CSRP2: variants seen among roughly 807,000 people sequenced by gnomAD.
The protein encoded by CSRP2 is cysteine and glycine-rich protein 2.
A neutral mutation model predicts 24.6 loss-of-function variants in CSRP2; 18 were observed. The observed-to-expected ratio is 0.73, with a 90% confidence interval of 0.51 to 1.09. The LOEUF is 1.09. Ranked by LOEUF, CSRP2 falls within the 50% of genes least tolerant of loss-of-function variation. The pLI, the probability that CSRP2 is intolerant of heterozygous loss-of-function variation, is 0.00. For missense variants in CSRP2, 215 were observed against 239.4 expected, an observed-to-expected ratio of 0.90 and a Z score of 0.67; for synonymous variants, 87 against 84.3, an observed-to-expected ratio of 1.03 and a Z score of -0.18.
intron 3 of CSRP2, 153 bp from the exon 4 acceptor site, chr12:76,860,566 G>A: frequency 1.2e-6 from 1 of 827,366 alleles, no homozygotes; most frequent in South Asian, 2.2e-5. Context: ...GAATAAAGAA[G>A]AAGTGACTCA....
intron 2 of CSRP2, among the ~76,000 whole-genome samples, chr12:76,865,303 G>A (rs2137827100): frequency 6.6e-6 from 1 of 152,226 alleles, no homozygotes. Context: ...TTTTAAAAAA[G>A]TAACTTCTAA....
chr12:76,877,448 C>A (rs12321353), intron 1 of CSRP2, among the ~76,000 whole-genome samples: 15,968 of 152,156 alleles, frequency 0.1, 934 homozygotes, highest in Non-Finnish European at 0.14. Context: ...CAAACAAATA[C>A]CTATTGTGTG....
chr12:76,863,197 C>T lies in CSRP2; in HGVS notation c.260G>A (p.Arg87Lys). The change falls in exon 3 of 6, where the codon AGG becomes AAG. Residue 87 changes from arginine to lysine, a missense_variant. Arg to Lys is a conservative substitution (Grantham distance 26). Transcript: ENST00000311083. ...TCACCTCTCTGGTTTGATGCCCAGC[C>T]TCTCGCCACGGTCCATGTTAAGCGT... ...AGTLNMDRGE[R>K]LGIKPESVQP... The T allele has an allele frequency of 1.9e-6, 3 of 1,613,610 alleles. No individual in the cohort carries two copies. Among genetic ancestry groups the T allele is most frequent in the Non-Finnish European group, 2.5e-6 (3 of 1,179,624 alleles).
chr12:76,875,561 G>T (rs769297045), intron 1 of CSRP2, among the ~76,000 whole-genome samples: 1 of 152,120 alleles, frequency 6.6e-6, no homozygotes, highest in Non-Finnish European at 1.5e-5. Flanking sequence ...ATATTTGCAC[G>T]ATTTTTTCAT....
rs902092094 is a variant in CSRP2 at position 76,858,808 on chromosome 12, C to T, written c.*144G>A. 1.5e-5 allele frequency: 10 copies of T among 659,438 alleles called. No individual in the cohort carries two copies. The highest frequency in any genetic ancestry group is 1.1e-4 in the Admixed American group (4 of 36,108). The allele number at this position is 659,438 out of a possible 1,614,324, so 40.8% of individuals were successfully genotyped here. The stretch of plus-strand genomic sequence containing the variant: ...GATACCATACAGTGCTCTCTTCCTA[C>T]GAGTTAGCCAGCCTATCCAAGTACA... On this transcript the variant is annotated 3_prime_UTR_variant, in exon 6 of 6. Coordinates refer to ENST00000311083, the MANE Select transcript of CSRP2 (RefSeq NM_001321.3).
At position 76,868,712 on chromosome 12, in the gene CSRP2, G is replaced by A. The variant is rs564435810; in HGVS notation, c.-1-2451C>T. 1.4e-4 allele frequency among the ~76,000 whole-genome samples: 22 copies of A among 152,260 alleles called. No individual in the cohort carries two copies. In the South Asian group the frequency reaches 2.5e-3, roughly 17 times the overall value. ...TGTGATCCCAGCACTTTGGGAGGCC[G>A]AGGCAGGCGGATCATGAGGTCAGGA... is the stretch of plus-strand genomic sequence containing the variant. On this transcript the variant is annotated intron_variant, in intron 1 of 5. Coordinates refer to ENST00000311083, the MANE Select transcript of CSRP2 (RefSeq NM_001321.3).
chr12:76,865,905 CAAAAT>C, intron 2 of CSRP2: 2 of 510,310 alleles, frequency 3.9e-6, no homozygotes, highest in South Asian at 2.3e-5. Context: ...GATGTGTTAA[CAAAAT>C]AAAGGCCAAA....
chr12:76,872,285 T>C (rs1307642147), intron 1 of CSRP2, among the ~76,000 whole-genome samples: 1 of 152,224 alleles, frequency 6.6e-6, no homozygotes, highest in East Asian at 1.9e-4. Flanking sequence ...GCGGAAAAAC[T>C]GATATAGTCT....
intron 3 of CSRP2, chr12:76,861,347 T>G (rs1022850840): frequency 5.8e-4 from 50 of 86,770 alleles, no homozygotes; most frequent in South Asian, 2.3e-3. Flanking sequence ...CAAGACCCTG[T>G]CTATATATAT....
chr12:76,877,969 C>A (rs940340069), intron 1 of CSRP2, among the ~76,000 whole-genome samples: 4 of 118,098 alleles, frequency 3.4e-5, no homozygotes, highest in Middle Eastern at 8.1e-3. Flanking sequence ...GCCCCACCCC[C>A]CCACCCCCCA....
chr12:76,877,422 CT>C (rs563396740), intron 1 of CSRP2, among the ~76,000 whole-genome samples: 45 of 152,192 alleles, frequency 3.0e-4, no homozygotes, highest in Non-Finnish European at 5.0e-4. Context: ...ATGATACGAA[CT>C]TTAGATCAAA....
chr12:76,876,160 C>T (rs908553813), intron 1 of CSRP2, among the ~76,000 whole-genome samples: 2 of 152,156 alleles, frequency 1.3e-5, no homozygotes, highest in African/African-American at 4.8e-5. Context: ...CCATGAAGCC[C>T]TCTTTCCTAT....
Position 76,878,995 on chromosome 12 carries a change from G to A in CSRP2, c.-59C>T, listed in dbSNP as rs971003873. On this transcript the variant is annotated 5_prime_UTR_variant, in exon 1 of 6. Coordinates refer to ENST00000311083, the MANE Select transcript of CSRP2 (RefSeq NM_001321.3). ...GGAGCTAGCGAGGCTGGGCTGGAGG[G>A]AGGGTCCAGGGAGTCCGAGATCCCA... is the stretch of plus-strand genomic sequence containing the variant. 1 of 152,346 alleles carries A rather than the reference G, an allele frequency of 6.6e-6. No homozygotes were observed. Among genetic ancestry groups the A allele is most frequent in the Non-Finnish European group, 1.5e-5 (1 of 68,158 alleles). The allele number at this position is 152,346 out of a possible 1,614,324, so 9.4% of individuals were successfully genotyped here. A position where few individuals can be genotyped will look rare whatever the true frequency, so the allele number is the denominator to read the frequency against.
At position 76,860,317 on chromosome 12, in the gene CSRP2, T is replaced by C. The variant is rs373572345; in HGVS notation, c.378A>G (p.Val126=). ...CTCCAATTATCTTCTCGGCAGCATA[T>C]ACAGAATCCCCACATCTGGAACACT... ...AEKCSRCGDS[V]YAAEKIIGAG... The change falls in exon 4 of 6, where the codon GTA becomes GTG. Residue 126 remains valine, a synonymous_variant. Transcript: ENST00000311083. The C allele has an allele frequency of 6.2e-6, 10 of 1,614,006 alleles. No homozygotes were observed. The highest frequency in any genetic ancestry group is 3.3e-5 in the Admixed American group (2 of 60,008).
At chr12:76,869,579 C>CACACACACACACACACACACACACACACA (rs3223657) in intron 1 of CSRP2, among the ~76,000 whole-genome samples, 2 of 147,022 alleles carry the variant, frequency 1.4e-5, no homozygotes, top group Non-Finnish European at 1.5e-5. Context: ...CACACACACA[C>CACACACACACACACACACACACACACACA]CCCTGACTGG....
chr12:76,865,829 C>T (rs1011088646), intron 2 of CSRP2: 1 of 269,200 alleles, frequency 3.7e-6, no homozygotes, highest in Non-Finnish European at 7.0e-6. Flanking sequence ...TTGTAATGTG[C>T]CAGAAACTGT....
chr12:76,869,578 A>ACACACACACACACACACACACC (rs1420575005), intron 1 of CSRP2, among the ~76,000 whole-genome samples: 5 of 138,898 alleles, frequency 3.6e-5, no homozygotes, highest in Admixed American at 1.5e-4. Context: ...ACACACACAC[A>ACACACACACACACACACACACC]CCCCTGACTG....
intron 3 of CSRP2, chr12:76,862,711 C>A: frequency 7.8e-7 from 1 of 1,283,154 alleles, no homozygotes; most frequent in East Asian, 2.8e-5. Context: ...AAGTAATTTC[C>A]ATTTTTAAGT....
intron 1 of CSRP2, among the ~76,000 whole-genome samples, chr12:76,870,186 A>G (rs1953782931): frequency 6.6e-6 from 1 of 152,234 alleles, no homozygotes; most frequent in Non-Finnish European, 1.5e-5. Context: ...TCATTTTCAC[A>G]CATATTTACT....
Sources: allele counts gnomAD v4.1 joint callset (sites outside exome capture counted in the v4.1 genomes callset), GRCh38; gene constraint gnomAD v4.1.1; transcripts MANE v1.5; gene names NCBI Gene and HGNC (gene_info 2026-07-23, HGNC 2026-07-21).